Variants in CT47B1 observed in about 807,000 individuals in gnomAD.
CT47B1 encodes the protein cancer/testis CT47 family, member 13.
A neutral mutation model predicts 12.8 loss-of-function variants in CT47B1; 24 were observed. That is an observed-to-expected ratio of 1.87 (90% CI 1.36 to 2.63). CT47B1 has a LOEUF of 2.63. Ranked by LOEUF, CT47B1 falls within the 30% of genes most tolerant of loss-of-function variation. The pLI, the probability that CT47B1 is intolerant of heterozygous loss-of-function variation, is 0.00. For synonymous variants in CT47B1, 228 were observed against 133.3 expected, an observed-to-expected ratio of 1.71 and a Z score of -4.89; for missense variants, 523 against 271.3, an observed-to-expected ratio of 1.93 and a Z score of -6.52.
chrX:120,875,500 G>C lies in CT47B1; in HGVS notation c.171C>G (p.Pro57=), dbSNP rs768829470. 3.8e-5 allele frequency: 45 copies of C among 1,197,763 alleles called. No individual in the cohort carries two copies. In the South Asian group the frequency reaches 4.4e-4, roughly 12 times the overall value. Residue 57 remains proline (P), a synonymous_variant, in exon 1 of 3, where the codon CCC becomes CCG. Transcript: ENST00000371311. ...PAAEVVGVAG[P]VEGLGEEEGE... The stretch of plus-strand genomic sequence containing the variant: ...CCTCCTCCTCCCCGAGGCCTTCCAC[G>C]GGCCCTGCGACTCCGACCACCTCGG...
Position 120,875,528 on chromosome X carries a change from G to T in CT47B1, c.143C>A (p.Ala48Glu), listed in dbSNP as rs780509003. ...SGPDSSDMVP[A>E]AEVVGVAGPV... ...CCCTGCGACTCCGACCACCTCGGCC[G>T]CAGGCACCATGTCGCTGCTGTCGGG... is the stretch of plus-strand genomic sequence containing the variant. Residue 48 changes from alanine (A) to glutamate (E), a missense_variant, in exon 1 of 3, where the codon GCG becomes GAG. Ala to Glu is a moderately radical substitution (Grantham distance 107). Coordinates refer to ENST00000371311, the MANE Select transcript of CT47B1 (RefSeq NM_001145718.3). 4 of 1,194,214 alleles carry T rather than the reference G, an allele frequency of 3.3e-6. No homozygotes were observed. Among genetic ancestry groups the T allele is most frequent in the Non-Finnish European group, 3.4e-6 (3 of 893,377 alleles).
chrX:120,873,858 C>A lies in CT47B1; in HGVS notation c.*31+7G>T, dbSNP rs1486576742. The A allele has an allele frequency of 1.0e-6, 1 of 976,882 alleles. No homozygotes were observed. Among genetic ancestry groups the A allele is most frequent in the Admixed American group, 2.7e-5 (1 of 36,949 alleles). 80.5% of individuals were successfully genotyped at this position (976,882 alleles called of 1,213,427 possible). On this transcript the variant is annotated splice_region_variant and intron_variant, in intron 2 of 2. Transcript: ENST00000371311. The stretch of plus-strand genomic sequence containing the variant: ...GTTGACTGATTCTCAAAGCTATACA[C>A]AGATACCTGGATTTTCTTGGCTTCA...
chrX:120,874,956 C>T lies in CT47B1; in HGVS notation c.715G>A (p.Glu239Lys). The T allele has an allele frequency of 8.3e-7, 1 of 1,199,943 alleles. No homozygotes were observed. Among genetic ancestry groups the T allele is most frequent in the Non-Finnish European group, 1.1e-6 (1 of 886,259 alleles). ...EEAAEEKLTE[E>K]ATEEPAAEEP... Reference sequence around the variant, plus strand: ...TCTGCGGCCGGTTCCTCTGTGGCCTCCTCTGTGAGCTTCTCCTCTGCGGCC... The same window carrying T: ...TCTGCGGCCGGTTCCTCTGTGGCCTTCTCTGTGAGCTTCTCCTCTGCGGCC... The change falls in exon 1 of 3, where the codon GAG (glutamate) becomes AAG (lysine). Residue 239 changes from glutamate (E) to lysine (K), a missense_variant. By Grantham distance (56) the Glu-to-Lys change is moderately conservative. Coordinates refer to ENST00000371311, the MANE Select transcript of CT47B1 (RefSeq NM_001145718.3).
chrX:120,875,233 A>C lies in CT47B1; in HGVS notation c.438T>G (p.Arg146=). Residue 146 remains arginine, a synonymous_variant, in exon 1 of 3, where the codon CGT becomes CGG. Transcript: ENST00000371311. ...YHNDHIQIAN[R]HLSRLMVGPH... is the part of the protein sequence containing the mutation. ...GCCCCACCATCAGGCGGCTGAGGTG[A>C]CGGTTCGCTATCTGGATGTGGTCGT... 1 of 1,211,108 alleles carries C rather than the reference A, an allele frequency of 8.3e-7. No homozygotes were observed. The highest frequency in any genetic ancestry group is 1.1e-6 in the Non-Finnish European group (1 of 894,813).
In CT47B1 at chrX:120,875,450, G is replaced by A. The variant is rs1413256648; in HGVS notation, c.221C>T (p.Ala74Val). The change falls in exon 1 of 3, where the codon GCA becomes GTA. Residue 74 changes from alanine to valine, a missense_variant. Ala to Val is a moderately conservative substitution (Grantham distance 64, BLOSUM62 0). Coordinates refer to ENST00000371311, the MANE Select transcript of CT47B1 (RefSeq NM_001145718.3). ...EEGEQAAGLA[A>V]VPQGGSAEED... ...CTCGGCGCTCCCGCCCTGGGGGACT[G>A]CGGCCAGGCCTGCCGCCTGCTCACC... 2.5e-6 allele frequency: 3 copies of A among 1,206,692 alleles called. No homozygotes were observed. The Admixed American group carries it at 6.5e-5, about 26-fold the overall frequency.
Position 120,875,315 on chromosome X carries a change from CCCG to C in CT47B1, c.353_355del (p.Ala118del), listed in dbSNP as rs1569433935. 2.5e-6 allele frequency: 3 copies of C among 1,210,815 alleles called. No individual in the cohort carries two copies. The highest frequency in any genetic ancestry group is 3.4e-6 in the Non-Finnish European group (3 of 894,684). On this transcript the variant is annotated inframe_deletion, in exon 1 of 3. Transcript: ENST00000371311. ...CAGGTACAGGAACACGAAGCCAATG[CCCG>C]CCGCCGGGTACCGACGGGTGGCCAC... is the stretch of plus-strand genomic sequence containing the variant.
Position 120,875,140 on chromosome X carries a change from T to G in CT47B1, c.531A>C (p.Ala177=). 8.3e-7 allele frequency: 1 copy of G among 1,210,497 alleles called. No homozygotes were observed. The highest frequency in any genetic ancestry group is 1.1e-6 in the Non-Finnish European group (1 of 894,738). ...CCTCGCCTTCTGGGGCTGCAGCCCC[T>G]GCACCCAGCCTCTGGGACAGCAGCA... The part of the protein sequence containing the change: ...PLLLLSQRLG[A]GAAAPEGEGL... Residue 177 remains alanine, a synonymous_variant, in exon 1 of 3, where the codon GCA becomes GCC. Transcript: ENST00000371311.
chrX:120,875,600 T>A lies in CT47B1; in HGVS notation c.71A>T (p.Gln24Leu). The part of the protein sequence containing the change: ...QEAPVSQEGA[Q>L]AEAAGAGNQE... ...GTTACCAGCTCCGGCCGCCTCGGCC[T>A]GTGCTCCCTCCTGGCTTACCGGGGC... Residue 24 changes from glutamine to leucine, a missense_variant, in exon 1 of 3, where the codon CAG becomes CTG. Gln to Leu is a moderately radical substitution (Grantham distance 113). Transcript: ENST00000371311. The A allele has an allele frequency of 8.8e-7, 1 of 1,136,432 alleles. No individual in the cohort carries two copies. Among genetic ancestry groups the A allele is most frequent in the East Asian group, 3.3e-5 (1 of 30,652 alleles). The allele number at this position is 1,136,432 out of a possible 1,213,427, so 93.7% of individuals were successfully genotyped here.
chrX:120,875,533 C>A lies in CT47B1; in HGVS notation c.138G>T (p.Val46=). Residue 46 remains valine, a synonymous_variant, in exon 1 of 3, where the codon GTG becomes GTT. Coordinates refer to ENST00000371311, the MANE Select transcript of CT47B1 (RefSeq NM_001145718.3). The part of the protein sequence containing the change: ...GDSGPDSSDM[V]PAAEVVGVAG... ...CGACTCCGACCACCTCGGCCGCAGGCACCATGTCGCTGCTGTCGGGGCCGG... is the reference window on the plus strand; with the variant it reads ...CGACTCCGACCACCTCGGCCGCAGGAACCATGTCGCTGCTGTCGGGGCCGG... 2 of 1,197,093 alleles carry A rather than the reference C, an allele frequency of 1.7e-6. No individual in the cohort carries two copies. The highest frequency in any genetic ancestry group is 1.8e-5 in the South Asian group (1 of 56,764).
Position 120,875,320 on chromosome X carries a change from C to T in CT47B1, c.351G>A (p.Ala117=), listed in dbSNP as rs763507932. 155 of 1,209,539 alleles carry T rather than the reference C, an allele frequency of 1.3e-4. No individual in the cohort carries two copies. Among genetic ancestry groups the T allele is most frequent in the East Asian group, 1.8e-4 (6 of 33,741 alleles). Residue 117 remains alanine, a synonymous_variant, in exon 1 of 3, where the codon GCG becomes GCA. Transcript: ENST00000371311. ...DLAVATRRYP[A]AGIGFVFLYL... is the part of the protein sequence containing the mutation. ...ACAGGAACACGAAGCCAATGCCCGC[C>T]GCCGGGTACCGACGGGTGGCCACCG...
At position 120,875,422 on chromosome X, in the gene CT47B1, C is replaced by G; in HGVS notation, c.249G>C (p.Glu83Asp). 2.5e-6 allele frequency: 3 copies of G among 1,208,053 alleles called. No homozygotes were observed. The highest frequency in any genetic ancestry group is 3.4e-6 in the Non-Finnish European group (3 of 894,276). The part of the protein sequence containing the change: ...AAVPQGGSAE[E>D]DSDIGPATEE... ...CCGTCGCGGGCCCGATATCTGAGTC[C>G]TCCTCGGCGCTCCCGCCCTGGGGGA... is the stretch of plus-strand genomic sequence containing the variant. Residue 83 changes from glutamate to aspartate, a missense_variant, in exon 1 of 3, where the codon GAG (glutamate) becomes GAC (aspartate). Transcript: ENST00000371311.
At position 120,875,230 on chromosome X, in the gene CT47B1, G is replaced by A. The variant is rs778145227; in HGVS notation, c.441C>T (p.His147=). 1.3e-5 allele frequency: 16 copies of A among 1,210,290 alleles called. No individual in the cohort carries two copies. Among genetic ancestry groups the A allele is most frequent in the Admixed American group, 6.5e-5 (3 of 46,023 alleles). The part of the protein sequence containing the change: ...HNDHIQIANR[H]LSRLMVGPHA... Reference sequence around the variant, plus strand: ...GGGGCCCCACCATCAGGCGGCTGAGGTGACGGTTCGCTATCTGGATGTGGT... The same window carrying A: ...GGGGCCCCACCATCAGGCGGCTGAGATGACGGTTCGCTATCTGGATGTGGT... The change falls in exon 1 of 3, where the codon CAC becomes CAT. Residue 147 remains histidine, a synonymous_variant. Transcript: ENST00000371311.
At chrX:120,874,799 C>T in intron 1 of CT47B1, 97 bp downstream of exon 1, 2 of 1,139,696 alleles carry the variant, frequency 1.8e-6, no homozygotes, top group Non-Finnish European at 2.3e-6. Context: ...CCCCCCTTCA[C>T]CACCCGCTTC....
chrX:120,875,556 C>T lies in CT47B1; in HGVS notation c.115G>A (p.Gly39Ser), dbSNP rs752585998. The change falls in exon 1 of 3, where the codon GGC (glycine) becomes AGC (serine). Residue 39 changes from glycine (G) to serine (S), a missense_variant. Coordinates refer to ENST00000371311, the MANE Select transcript of CT47B1 (RefSeq NM_001145718.3). ...GAGNQEGGDSGPDSSDMVPAA... is the reference protein window; with the variant it reads ...GAGNQEGGDSSPDSSDMVPAA... ...GGCACCATGTCGCTGCTGTCGGGGC[C>T]GGAGTCGCCGCCCTCCTGGTTACCA... 5.0e-5 allele frequency: 60 copies of T among 1,190,374 alleles called. No individual in the cohort carries two copies. The East Asian group carries it at 1.5e-3, about 30-fold the overall frequency.
Position 120,875,330 on chromosome X carries a change from C to A in CT47B1, c.341G>T (p.Arg114Leu), listed in dbSNP as rs993889434. 8.3e-7 allele frequency: 1 copy of A among 1,209,720 alleles called. No homozygotes were observed. The highest frequency in any genetic ancestry group is 1.8e-5 in the South Asian group (1 of 56,831). The change falls in exon 1 of 3, where the codon CGG (arginine) becomes CTG (leucine). Residue 114 changes from arginine (R) to leucine (L), a missense_variant. Transcript: ENST00000371311. ...ANFDLAVATRRYPAAGIGFVF... is the reference protein window; with the variant it reads ...ANFDLAVATRLYPAAGIGFVF... ...GAAGCCAATGCCCGCCGCCGGGTAC[C>A]GACGGGTGGCCACCGCCAAGTCGAA...
rs767363037 is a variant in CT47B1 at position 120,875,423 on chromosome X, T to C, written c.248A>G (p.Glu83Gly). The change falls in exon 1 of 3, where the codon GAG becomes GGG. Residue 83 changes from glutamate (E) to glycine (G), a missense_variant. Coordinates refer to ENST00000371311, the MANE Select transcript of CT47B1 (RefSeq NM_001145718.3). ...AAVPQGGSAE[E>G]DSDIGPATEE... ...CGTCGCGGGCCCGATATCTGAGTCC[T>C]CCTCGGCGCTCCCGCCCTGGGGGAC... 9.1e-6 allele frequency: 11 copies of C among 1,206,507 alleles called. No homozygotes were observed. In the East Asian group the frequency reaches 2.1e-4, roughly 23 times the overall value.
At position 120,874,945 on chromosome X, in the gene CT47B1, C is replaced by T. The variant is rs756504425; in HGVS notation, c.726G>A (p.Glu242=). Residue 242 remains glutamate, a synonymous_variant, in exon 1 of 3, where the codon GAG becomes GAA. Transcript: ENST00000371311. ...AGGTCGGTTCCTCTGCGGCCGGTTCCTCTGTGGCCTCCTCTGTGAGCTTCT... is the reference window on the plus strand; with the variant it reads ...AGGTCGGTTCCTCTGCGGCCGGTTCTTCTGTGGCCTCCTCTGTGAGCTTCT... ...AEEKLTEEAT[E]EPAAEEPTSE... 2.5e-6 allele frequency: 3 copies of T among 1,199,661 alleles called. No individual in the cohort carries two copies. Among genetic ancestry groups the T allele is most frequent in the Non-Finnish European group, 2.3e-6 (2 of 886,026 alleles).
Sources: allele counts gnomAD v4.1 joint callset, GRCh38; gene constraint gnomAD v4.1.1; transcripts MANE v1.5; gene names NCBI Gene and HGNC (gene_info 2026-07-23, HGNC 2026-07-21).